MTA3: variants seen among roughly 807,000 people sequenced by gnomAD.
MTA3 encodes metastasis associated 1 family member 3, also known as metastasis-associated protein MTA3.
Under a neutral mutation model 83.5 loss-of-function variants are expected in MTA3, and 34 were observed. That is an observed-to-expected ratio of 0.41 (90% CI 0.31 to 0.54). MTA3 has a LOEUF of 0.54. Among genes scored for constraint, MTA3 ranks in the 20% least tolerant of loss-of-function variants. The pLI is 0.33. For synonymous variants in MTA3, 303 were observed against 252.7 expected (o/e 1.20, Z -1.89); for missense variants, 761 against 726.4 (o/e 1.05, Z -0.55).
At chr2:42,634,035 A>G (rs983588428) in intron 4 of MTA3, among the ~76,000 whole-genome samples, 5 of 152,166 alleles carry the variant, frequency 3.3e-5, no homozygotes, top group African/African-American at 7.2e-5. Flanking sequence ...ACCTTTGACA[A>G]TTTGGACAGT....
intron 16 of MTA3, among the ~76,000 whole-genome samples, chr2:42,736,860 G>GAT (rs1668648075): frequency 6.6e-6 from 1 of 152,164 alleles, no homozygotes; most frequent in African/African-American, 2.4e-5. Flanking sequence ...GCCAGGACTG[G>GAT]ATCCTTCCCT....
chr2:42,670,500 G>T (rs1690696414), intron 8 of MTA3, among the ~76,000 whole-genome samples: 1 of 152,092 alleles, frequency 6.6e-6, no homozygotes, highest in African/African-American at 2.4e-5. Context: ...GAGGTGATTG[G>T]CTTTATAGAC....
intron 16 of MTA3, among the ~76,000 whole-genome samples, chr2:42,734,464 CG>C (rs1558630521): frequency 8.6e-6 from 1 of 116,520 alleles, no homozygotes; most frequent in African/African-American, 3.5e-5. Flanking sequence ...CAACAGATCA[CG>C]GGGCCTTTTT....
chr2:42,668,591 G>A (rs1037854171), intron 8 of MTA3, among the ~76,000 whole-genome samples: 9 of 152,152 alleles, frequency 5.9e-5, no homozygotes, highest in Non-Finnish European at 8.8e-5. Flanking sequence ...CGACAATGGT[G>A]CATTTGTCTT....
intron 4 of MTA3, among the ~76,000 whole-genome samples, chr2:42,619,745 C>G (rs1487470863): frequency 6.6e-6 from 1 of 152,066 alleles, no homozygotes; most frequent in Non-Finnish European, 1.5e-5. Flanking sequence ...AGATGTCCCC[C>G]AAGACTTTTT....
chr2:42,500,093 ACT>A (rs1254956220), intron 2 of MTA3, among the ~76,000 whole-genome samples: 2 of 152,062 alleles, frequency 1.3e-5, no homozygotes, highest in East Asian at 1.9e-4. Flanking sequence ...ACATGGTGAA[ACT>A]CTGTCTCTAC....
intron 2 of MTA3, among the ~76,000 whole-genome samples, chr2:42,513,701 T>G (rs2103674249): frequency 6.6e-6 from 1 of 152,298 alleles, no homozygotes; most frequent in Non-Finnish European, 1.5e-5. Context: ...CTAGACCCAC[T>G]TGTCCTGAAG....
chr2:42,680,336 C>A (rs1219145290), intron 8 of MTA3: 1 of 152,288 alleles, frequency 6.6e-6, no homozygotes, highest in Non-Finnish European at 1.5e-5. Context: ...ATAGCTGGCA[C>A]TGAGACCTTG....
At chr2:42,593,311 A>G (rs1681264448) in intron 3 of MTA3, among the ~76,000 whole-genome samples, 1 of 151,220 alleles carries the variant, frequency 6.6e-6, no homozygotes, top group Non-Finnish European at 1.5e-5. Flanking sequence ...ACATCGTGCT[A>G]CTGCACTCCA....
chr2:42,494,633 T>C (rs3796078), exon 1 of MTA3: 101,917 of 152,182 alleles, frequency 0.67, 34,605 homozygotes, highest in Middle Eastern at 0.82. Flanking sequence ...GGCCCCCACG[T>C]TCTGGGGCGC....
intron 4 of MTA3, among the ~76,000 whole-genome samples, chr2:42,617,644 C>T (rs867159058): frequency 6.6e-5 from 10 of 152,004 alleles, no homozygotes; most frequent in Non-Finnish European, 1.0e-4. Flanking sequence ...GGCCTGGTGG[C>T]GCATGCCTGT....
chr2:42,712,957 G>A (rs1423925060), intron 14 of MTA3: 1 of 152,012 alleles, frequency 6.6e-6, no homozygotes, highest in South Asian at 2.1e-4. Flanking sequence ...GTCATCAGAC[G>A]TTATTTCAGA....
At chr2:42,584,085 C>T (rs184480065) in intron 3 of MTA3, among the ~76,000 whole-genome samples, 2 of 151,704 alleles carry the variant, frequency 1.3e-5, no homozygotes, top group African/African-American at 2.4e-5. Flanking sequence ...TCAGGTGATA[C>T]GCCCACCTCT....
At chr2:42,552,557 GGCT>G (rs962371452) in intron 2 of MTA3, among the ~76,000 whole-genome samples, 43 of 151,554 alleles carry the variant, frequency 2.8e-4, no homozygotes, top group Non-Finnish European at 1.6e-4. Context: ...AGGAGTTTGA[GGCT>G]GCAATAAACG....
intron 6 of MTA3, among the ~76,000 whole-genome samples, chr2:42,648,717 G>C (rs1688437381): frequency 6.6e-6 from 1 of 152,050 alleles, no homozygotes; most frequent in Admixed American, 6.6e-5. Context: ...AAACCACCTA[G>C]AAAATTTTCC....
chr2:42,752,168 T>A (rs913725053), intron 16 of MTA3: 16 of 470,954 alleles, frequency 3.4e-5, no homozygotes, highest in Non-Finnish European at 6.6e-5. Flanking sequence ...TGGGCCTTTA[T>A]TTAACACATA....
At position 42,507,989 on chromosome 2, in the gene MTA3, A is replaced by C. The variant is rs188689815; in HGVS notation, c.-141+12735A>C. Among the ~76,000 whole-genome samples, 715 of 151,070 alleles carry C rather than the reference A, an allele frequency of 4.7e-3. 4 individuals carry two copies. Among genetic ancestry groups the C allele is most frequent in the Non-Finnish European group, 8.3e-3 (564 of 67,834 alleles). ...AAGAAACCTAGTTAAAAAAAATCTG[A>C]GCATGTAGCATTCTACCAGATTACC... is the stretch of plus-strand genomic sequence containing the variant. On this transcript the variant is annotated intron_variant, in intron 2 of 17. Transcript: ENST00000405592.
chr2:42,707,761 C>G, intron 12 of MTA3, 142 bp from the exon 13 acceptor site: 1 of 856,178 alleles, frequency 1.2e-6, no homozygotes, highest in Admixed American at 3.4e-5. Flanking sequence ...AACAAATATA[C>G]TATTATGTTT....
At chr2:42,673,249 AT>A (rs1167997627) in intron 8 of MTA3, among the ~76,000 whole-genome samples, 1 of 152,118 alleles carries the variant, frequency 6.6e-6, no homozygotes, top group African/African-American at 2.4e-5. Context: ...GTGGTTATTA[AT>A]TTTTAAATAG....
Sources: gnomAD v4.1 joint callset for allele counts (sites outside exome capture counted in the v4.1 genomes callset) on GRCh38, gnomAD v4.1.1 for gene constraint, MANE v1.5 for transcripts, NCBI Gene and HGNC (gene_info 2026-07-23, HGNC 2026-07-21) for gene names.